The following SCMH1 variants were observed in gnomAD, a reference collection of about 807,000 sequenced individuals.
SCMH1 encodes polycomb protein SCMH1.
SCMH1 carries 37 observed loss-of-function variants against 70.8 expected under a neutral mutation model. The observed-to-expected ratio is 0.52, with a 90% CI of 0.40 to 0.69. SCMH1 has a LOEUF of 0.69. Ranked by LOEUF, SCMH1 falls within the 30% of genes least tolerant of loss-of-function variation. SCMH1 has a pLI of 0.00. For synonymous variants in SCMH1, 292 were observed against 307.4 expected, an observed-to-expected ratio of 0.95 and a Z score of 0.52; for missense variants, 607 against 827.3, an observed-to-expected ratio of 0.73 and a Z score of 3.27.
intron 10 of SCMH1, among the ~76,000 whole-genome samples, chr1:41,056,168 C>T (rs1446732809): frequency 6.6e-6 from 1 of 152,162 alleles, no homozygotes; most frequent in Non-Finnish European, 1.5e-5. Context: ...CTTTCACTTC[C>T]TATCTCTTGA....
chr1:41,082,198 A>G (rs1447547608), intron 8 of SCMH1, among the ~76,000 whole-genome samples: 1 of 152,196 alleles, frequency 6.6e-6, no homozygotes, highest in Non-Finnish European at 1.5e-5. Flanking sequence ...CATTAAAACA[A>G]AATATTTCTC....
intron 7 of SCMH1, among the ~76,000 whole-genome samples, chr1:41,114,897 C>T (rs939385854): frequency 2.0e-5 from 3 of 152,010 alleles, no homozygotes; most frequent in Non-Finnish European, 4.4e-5. Flanking sequence ...AAGCTGGTCT[C>T]GAACTCCTGA....
intron 11 of SCMH1, among the ~76,000 whole-genome samples, chr1:41,048,333 TG>T (rs1282371088): frequency 6.6e-6 from 1 of 152,198 alleles, no homozygotes. Context: ...AGGAGTTCAG[TG>T]GTTCCTGAAA....
At chr1:41,176,476 G>T (rs1647150582) in intron 2 of SCMH1, among the ~76,000 whole-genome samples, 1 of 152,226 alleles carries the variant, frequency 6.6e-6, no homozygotes, top group South Asian at 2.1e-4. Context: ...GGAAGTGCAA[G>T]GGGTCAGGGA....
chr1:41,112,531 G>A (rs1669502050), intron 8 of SCMH1, among the ~76,000 whole-genome samples: 2 of 151,910 alleles, frequency 1.3e-5, no homozygotes, highest in South Asian at 2.1e-4. Context: ...CTCATAGGTA[G>A]TGGTTAGTTT....
intron 1 of SCMH1, among the ~76,000 whole-genome samples, chr1:41,200,200 G>C: frequency 6.6e-6 from 1 of 152,110 alleles, no homozygotes; most frequent in East Asian, 1.9e-4. Context: ...GCTTGTGGCC[G>C]GGTGCAGTGG....
intron 2 of SCMH1, among the ~76,000 whole-genome samples, chr1:41,167,983 G>T (rs946950221): frequency 7.2e-6 from 1 of 139,432 alleles, no homozygotes; most frequent in Admixed American, 7.9e-5. Context: ...TAAGGTTTCT[G>T]CTGTGAAATC....
At chr1:41,236,538 C>T (rs1662417464) in intron 1 of SCMH1, among the ~76,000 whole-genome samples, 1 of 152,152 alleles carries the variant, frequency 6.6e-6, no homozygotes, top group South Asian at 2.1e-4. Context: ...GTATGGAAGA[C>T]AGACCGTTTG....
intron 8 of SCMH1, among the ~76,000 whole-genome samples, chr1:41,104,070 T>C (rs1667269037): frequency 6.6e-6 from 1 of 152,216 alleles, no homozygotes; most frequent in Non-Finnish European, 1.5e-5. Flanking sequence ...GCAGTTCCCT[T>C]TTCTTGGGAG....
chr1:41,063,459 C>T lies in SCMH1; in HGVS notation c.1105+7136G>A, dbSNP rs546816438. Among the ~76,000 whole-genome samples, 4 of 151,740 alleles carry T rather than the reference C, an allele frequency of 2.6e-5. No individual in the cohort carries two copies. In the East Asian group the frequency reaches 5.8e-4, roughly 22 times the overall value. On this transcript the variant is annotated intron_variant, in intron 10 of 14. Coordinates refer to ENST00000337495, the Ensembl canonical transcript of SCMH1. ...CTGCACTCCAGCCTGGGTGACAGAG[C>T]GAGACTCTGTCTAAAAAATAATAAT...
At chr1:41,037,641 G>T in intron 12 of SCMH1, 100 bp from the exon 13 acceptor site, 1 of 1,070,110 alleles carries the variant, frequency 9.3e-7, no homozygotes, top group Non-Finnish European at 1.4e-6. Flanking sequence ...AACAGAGAAA[G>T]CCCTGGGCAG....
At chr1:41,063,806 TA>T (rs544627554) in intron 10 of SCMH1, among the ~76,000 whole-genome samples, 1 of 152,180 alleles carries the variant, frequency 6.6e-6, no homozygotes, top group African/African-American at 2.4e-5. Flanking sequence ...TTATATCTAT[TA>T]AAAAATTGAA....
intron 10 of SCMH1, among the ~76,000 whole-genome samples, chr1:41,067,458 C>CAA (rs60607308): frequency 1.9e-3 from 112 of 60,202 alleles, no homozygotes; most frequent in Non-Finnish European, 2.4e-3. Flanking sequence ...ACAACAACAA[C>CAA]AAAAAAAAAA....
At chr1:41,116,012 C>T (rs564766270) in intron 7 of SCMH1, among the ~76,000 whole-genome samples, 1 of 152,266 alleles carries the variant, frequency 6.6e-6, no homozygotes, top group South Asian at 2.1e-4. Flanking sequence ...GTCTATGTTT[C>T]TATTTAATTT....
chr1:41,183,110 C>T (rs1649278002), intron 2 of SCMH1, among the ~76,000 whole-genome samples: 1 of 152,168 alleles, frequency 6.6e-6, no homozygotes, highest in Non-Finnish European at 1.5e-5. Flanking sequence ...AATCAGAAAC[C>T]TGTAATCCCT....
At chr1:41,189,723 A>G (rs1651206587) in intron 1 of SCMH1, among the ~76,000 whole-genome samples, 1 of 152,240 alleles carries the variant, frequency 6.6e-6, no homozygotes, top group African/African-American at 2.4e-5. Flanking sequence ...ATCTTTGTGT[A>G]TGCACAGAAA....
intron 8 of SCMH1, among the ~76,000 whole-genome samples, chr1:41,080,015 G>C (rs1246244192): frequency 6.6e-6 from 1 of 151,690 alleles, no homozygotes; most frequent in Non-Finnish European, 1.5e-5. Flanking sequence ...TTTTTATATA[G>C]ATATTTCTGT....
intron 8 of SCMH1, among the ~76,000 whole-genome samples, chr1:41,080,576 T>C (rs953662896): frequency 2.0e-5 from 3 of 152,156 alleles, no homozygotes; most frequent in African/African-American, 7.2e-5. Flanking sequence ...TAATATATCA[T>C]AACTAAGTGG....
intron 1 of SCMH1, among the ~76,000 whole-genome samples, chr1:41,210,130 A>G (rs1656639607): frequency 1.3e-5 from 2 of 152,288 alleles, no homozygotes; most frequent in Admixed American, 1.3e-4. Flanking sequence ...AGAATAAAAT[A>G]CCTAGGAATC....
Sources: gnomAD v4.1 joint callset for allele counts (sites outside exome capture counted in the v4.1 genomes callset) on GRCh38, gnomAD v4.1.1 for gene constraint, MANE v1.5 for transcripts, NCBI Gene and HGNC (gene_info 2026-07-23, HGNC 2026-07-21) for gene names.